BABAM2: variants seen among roughly 807,000 people sequenced by gnomAD.
The protein encoded by BABAM2 is BRISC and BRCA1-A complex member 2.
In BABAM2, 31 loss-of-function variants were observed where a neutral mutation model predicts 54.7. The ratio of observed to expected loss-of-function variants is 0.57; its 90% CI spans 0.43 to 0.77. BABAM2 has a LOEUF of 0.77. Ranked by LOEUF, BABAM2 falls within the 30% of genes least tolerant of loss-of-function variation. BABAM2 has a pLI of 0.00. For missense variants in BABAM2, 364 were observed against 455.8 expected (o/e 0.80, Z 1.83); for synonymous variants, 167 against 162.9 (o/e 1.03, Z -0.19).
intron 4 of BABAM2, among the ~76,000 whole-genome samples, chr2:28,018,471 T>C (rs1675010851): frequency 6.6e-6 from 1 of 152,232 alleles, no homozygotes. Flanking sequence ...AGCATGCATG[T>C]GTAAGTATCT....
At chr2:27,967,395 C>T (rs558066055) in intron 3 of BABAM2, among the ~76,000 whole-genome samples, 1 of 152,314 alleles carries the variant, frequency 6.6e-6, no homozygotes, top group South Asian at 2.1e-4. Context: ...ACTTGCTCCG[C>T]CTTGCCTTCT....
intron 7 of BABAM2, among the ~76,000 whole-genome samples, chr2:28,203,181 A>G (rs565184664): frequency 6.6e-6 from 1 of 152,158 alleles, no homozygotes; most frequent in Non-Finnish European, 1.5e-5. Flanking sequence ...TCGGCCTTGT[A>G]TTTTAGGATC....
At chr2:28,001,923 A>G (rs532981606) in intron 4 of BABAM2, among the ~76,000 whole-genome samples, 43 of 152,276 alleles carry the variant, frequency 2.8e-4, no homozygotes, top group South Asian at 6.2e-4. Flanking sequence ...GGAGGGGACA[A>G]ATGTCCAAAC....
At chr2:27,966,775 T>A (rs138020293) in intron 3 of BABAM2, among the ~76,000 whole-genome samples, 49 of 152,362 alleles carry the variant, frequency 3.2e-4, no homozygotes, top group South Asian at 1.2e-3. Context: ...ATTTGGTACA[T>A]CAAGCAGCTT....
chr2:28,033,026 G>A (rs1255361611), intron 5 of BABAM2, among the ~76,000 whole-genome samples: 1 of 152,064 alleles, frequency 6.6e-6, no homozygotes, highest in Non-Finnish European at 1.5e-5. Flanking sequence ...AAATCAAGAT[G>A]CAGATATTCC....
At chr2:27,987,861 T>C (rs1270772432) in intron 3 of BABAM2, 132 bp from the exon 4 acceptor site, 2 of 642,978 alleles carry the variant, frequency 3.1e-6, no homozygotes, top group East Asian at 3.0e-5. Flanking sequence ...GAATTAATCA[T>C]CTGGAAAGTG....
intron 3 of BABAM2, among the ~76,000 whole-genome samples, chr2:27,971,323 C>A (rs925115238): frequency 6.6e-6 from 1 of 152,020 alleles, no homozygotes; most frequent in East Asian, 1.9e-4. Flanking sequence ...AAAATTTTAT[C>A]TTTAGAGAAT....
chr2:28,181,794 T>TAAA (rs1349037134), intron 7 of BABAM2, among the ~76,000 whole-genome samples: 19 of 149,574 alleles, frequency 1.3e-4, no homozygotes, highest in Admixed American at 2.7e-4. Context: ...ATTTTTTTTT[T>TAAA]AAAAAAAAAA....
intron 10 of BABAM2, among the ~76,000 whole-genome samples, chr2:28,287,826 G>A (rs1043763518): frequency 1.3e-5 from 2 of 152,226 alleles, no homozygotes; most frequent in African/African-American, 4.8e-5. Context: ...TGGCATAGCA[G>A]GCAGGAGGTG....
chr2:28,333,267 C>T (rs1265591009), intron 11 of BABAM2, among the ~76,000 whole-genome samples: 3 of 152,210 alleles, frequency 2.0e-5, no homozygotes, highest in South Asian at 2.1e-4. Context: ...TCATGATCAA[C>T]GAGTAAGGAG....
intron 8 of BABAM2, among the ~76,000 whole-genome samples, chr2:28,239,446 T>A (rs544005188): frequency 6.6e-6 from 1 of 152,352 alleles, no homozygotes; most frequent in African/African-American, 2.4e-5. Context: ...TGTTTTCGTG[T>A]TAGAAGCTGG....
intron 2 of BABAM2, among the ~76,000 whole-genome samples, chr2:27,908,614 C>G (rs955898042): frequency 6.6e-6 from 1 of 152,108 alleles, no homozygotes; most frequent in Non-Finnish European, 1.5e-5. Context: ...CCTTTCCTCC[C>G]CTCTCTTGGA....
intron 11 of BABAM2, chr2:28,309,970 A>G (rs1688928122): frequency 1.7e-6 from 2 of 1,184,226 alleles, no homozygotes; most frequent in Non-Finnish European, 2.5e-6. Flanking sequence ...TATGGGGTTT[A>G]GAAGTAGAGC....
At chr2:28,056,005 T>A (rs1027480858) in intron 6 of BABAM2, among the ~76,000 whole-genome samples, 1 of 152,126 alleles carries the variant, frequency 6.6e-6, no homozygotes, top group Non-Finnish European at 1.5e-5. Context: ...AGAAAAGTAT[T>A]GCATGATCTC....
chr2:28,029,049 G>C (rs1392551237), intron 5 of BABAM2, among the ~76,000 whole-genome samples: 1 of 152,170 alleles, frequency 6.6e-6, no homozygotes, highest in African/African-American at 2.4e-5. Context: ...TTATAGATGT[G>C]AGCCACCATG....
intron 4 of BABAM2, among the ~76,000 whole-genome samples, chr2:28,009,012 G>A (rs1674187269): frequency 6.6e-6 from 1 of 152,270 alleles, no homozygotes; most frequent in South Asian, 2.1e-4. Context: ...AAGCTCTAGT[G>A]GGTGGAGCTT....
At chr2:28,103,061 T>C (rs1000730720) in intron 6 of BABAM2, among the ~76,000 whole-genome samples, 2 of 152,136 alleles carry the variant, frequency 1.3e-5, no homozygotes, top group Non-Finnish European at 2.9e-5. Context: ...CTGAAAGTAA[T>C]TATATGGTCC....
chr2:28,231,130 A>T (rs1681345378), intron 7 of BABAM2, among the ~76,000 whole-genome samples: 1 of 152,138 alleles, frequency 6.6e-6, no homozygotes, highest in African/African-American at 2.4e-5. Flanking sequence ...CAGTTTTCTC[A>T]TCTGTAAATG....
intron 11 of BABAM2, among the ~76,000 whole-genome samples, chr2:28,326,929 TTA>T (rs1690514578): frequency 5.9e-3 from 1 of 170 alleles, no homozygotes; most frequent in Non-Finnish European, 0.017. Context: ...TTTCCTTCTA[TTA>T]ATTACAACAT....
Sources: allele counts gnomAD v4.1 joint callset (sites outside exome capture counted in the v4.1 genomes callset), GRCh38; gene constraint gnomAD v4.1.1; transcripts MANE v1.5; gene names NCBI Gene and HGNC (gene_info 2026-07-23, HGNC 2026-07-21).